EPHA5: variants seen among roughly 807,000 people sequenced by gnomAD.
EPHA5 encodes the protein EPH receptor A5, also known as ephrin type-A receptor 5.
EPHA5 carries 60 observed loss-of-function variants against 105.0 expected under a neutral mutation model. The ratio of observed to expected loss-of-function variants is 0.57; its 90% CI spans 0.46 to 0.71. The LOEUF (loss-of-function observed/expected upper bound fraction) is 0.71, where lower values mean the gene tolerates loss of function less well. Among genes scored for constraint, EPHA5 ranks in the 30% least tolerant of loss-of-function variants. The pLI is 0.00. For synonymous variants in EPHA5, 513 were observed against 449.1 expected (o/e 1.14, Z -1.80); for missense variants, 1,218 against 1,274.7 (o/e 0.96, Z 0.68).
chr4:65,460,199 A>T (rs537192795), intron 5 of EPHA5, among the ~76,000 whole-genome samples: 1 of 151,596 alleles, frequency 6.6e-6, no homozygotes, highest in East Asian at 1.9e-4. Flanking sequence ...GGAAATTTAA[A>T]TATATATAGG....
chr4:65,653,475 T>C (rs1748785476), intron 1 of EPHA5, among the ~76,000 whole-genome samples: 1 of 152,092 alleles, frequency 6.6e-6, no homozygotes, highest in Admixed American at 6.6e-5. Context: ...GCCAAATGAT[T>C]TTAGGTGGCT....
At chr4:65,479,782 T>C (rs1458386864) in intron 5 of EPHA5, among the ~76,000 whole-genome samples, 1 of 152,070 alleles carries the variant, frequency 6.6e-6, no homozygotes, top group African/African-American at 2.4e-5. Context: ...AACATGATTA[T>C]GTAGAAAAAA....
intron 3 of EPHA5, among the ~76,000 whole-genome samples, chr4:65,578,478 A>T (rs578223947): frequency 3.9e-5 from 6 of 152,152 alleles, no homozygotes; most frequent in Admixed American, 1.3e-4. Flanking sequence ...GCACACACAC[A>T]GACAAATGCT....
chr4:65,414,593 C>G lies in EPHA5; in HGVS notation c.1528-150G>C, dbSNP rs1723217831. 1.2e-5 allele frequency: 10 copies of G among 821,918 alleles called. No homozygotes were observed. In the Middle Eastern group the frequency reaches 1.0e-3, roughly 84 times the overall value. 50.9% of individuals were successfully genotyped at this position (821,918 alleles called of 1,614,324 possible). A position where few individuals can be genotyped will look rare whatever the true frequency, so the allele number is the denominator to read the frequency against. ...ATTTTAGAAAAAAATCCTACACATC[C>G]TAGGTGTGCTATTTACATAGAATAT... On this transcript the variant is annotated intron_variant, in intron 6 of 16. Coordinates refer to ENST00000613740, the MANE Select transcript of EPHA5 (RefSeq NM_001281766.3).
intron 2 of EPHA5, among the ~76,000 whole-genome samples, chr4:65,610,244 T>C (rs533542027): frequency 6.6e-6 from 1 of 152,170 alleles, no homozygotes; most frequent in South Asian, 2.1e-4. Context: ...ATGGATGCAG[T>C]TGGAGGCCAT....
chr4:65,490,380 C>T lies in EPHA5; in HGVS notation c.1399G>A (p.Ala467Thr), dbSNP rs1420039250. ...YVSVNVTTNQ[A>T]APSPVTNVKK... ...TTGGGTTGGGCATGGCACTTACCTG[C>T]TTGATTTGTGGTTACATTTACAGAC... Residue 467 changes from alanine (A) to threonine (T), a missense_variant, in exon 5 of 17, where the codon GCA becomes ACA. This residue lies in a region of EPHA5 where 971 missense variants were observed against 1,013.5 expected (regional missense o/e 0.96). Transcript: ENST00000613740. 9.3e-6 allele frequency: 15 copies of T among 1,612,990 alleles called. No homozygotes were observed. The highest frequency in any genetic ancestry group is 1.1e-5 in the Non-Finnish European group (13 of 1,179,194).
chr4:65,653,851 C>T (rs1210133519), intron 1 of EPHA5, among the ~76,000 whole-genome samples: 4 of 151,712 alleles, frequency 2.6e-5, no homozygotes, highest in African/African-American at 4.8e-5. Context: ...TTTTTCTTTC[C>T]TTAGTATCAT....
chr4:65,436,184 C>CA (rs1725465894), intron 5 of EPHA5, among the ~76,000 whole-genome samples: 1 of 151,920 alleles, frequency 6.6e-6, no homozygotes, highest in South Asian at 2.1e-4. Flanking sequence ...CATCTTTTGA[C>CA]ACAGAGTTGT....
At chr4:65,604,454 C>T (rs1744033781) in intron 2 of EPHA5, among the ~76,000 whole-genome samples, 1 of 151,918 alleles carries the variant, frequency 6.6e-6, no homozygotes, top group Non-Finnish European at 1.5e-5. Flanking sequence ...TTCAAGTACC[C>T]AAAACATAAA....
intron 5 of EPHA5, among the ~76,000 whole-genome samples, chr4:65,461,711 G>A (rs1172850589): frequency 6.6e-6 from 1 of 151,892 alleles, no homozygotes; most frequent in East Asian, 1.9e-4. Flanking sequence ...GAAGTAAAAT[G>A]ACACATTTAA....
At chr4:65,425,525 A>G (rs982403863) in intron 5 of EPHA5, among the ~76,000 whole-genome samples, 7 of 151,950 alleles carry the variant, frequency 4.6e-5, no homozygotes, top group Non-Finnish European at 8.8e-5. Flanking sequence ...TTCAGTAAAG[A>G]CTCTGGTGGA....
At chr4:65,583,147 C>T (rs970511880) in intron 3 of EPHA5, among the ~76,000 whole-genome samples, 2 of 151,106 alleles carry the variant, frequency 1.3e-5, no homozygotes, top group African/African-American at 4.9e-5. Flanking sequence ...AAATCATGGA[C>T]AAAATATATA....
At chr4:65,434,306 A>AT (rs34971023) in intron 5 of EPHA5, among the ~76,000 whole-genome samples, 13,440 of 151,758 alleles carry the variant, frequency 0.089, 1,072 homozygotes, top group African/African-American at 0.21. Context: ...GGTTGTGGAC[A>AT]TTTTTTTTAA....
At chr4:65,395,105 C>T (rs528402268) in intron 8 of EPHA5, among the ~76,000 whole-genome samples, 8 of 152,266 alleles carry the variant, frequency 5.3e-5, no homozygotes, top group African/African-American at 1.9e-4. Flanking sequence ...ACTATCAAGT[C>T]ATTGCTTTGA....
intron 3 of EPHA5, among the ~76,000 whole-genome samples, chr4:65,496,379 C>A (rs1222951294): frequency 8.1e-6 from 1 of 123,052 alleles, no homozygotes; most frequent in Admixed American, 8.9e-5. Context: ...TCCCTCCCCC[C>A]TCCCCCCACC....
chr4:65,383,128 T>C (rs774859493), intron 8 of EPHA5, among the ~76,000 whole-genome samples: 10 of 150,136 alleles, frequency 6.7e-5, no homozygotes, highest in Non-Finnish European at 1.2e-4. Context: ...ATATATCAGA[T>C]ATATGATATG....
At chr4:65,333,523 GTGTGAGAGTGTGTGTC>G (rs1009759060) in intron 15 of EPHA5, among the ~76,000 whole-genome samples, 17 of 122,022 alleles carry the variant, frequency 1.4e-4, no homozygotes, top group Middle Eastern at 3.9e-3. Context: ...GTGCGTGTGC[GTGTGAGAGTGTGTGTC>G]TGTGTGTGTG....
chr4:65,540,524 A>G (rs1736714408), intron 3 of EPHA5, among the ~76,000 whole-genome samples: 1 of 151,506 alleles, frequency 6.6e-6, no homozygotes. Context: ...CCAAAAAAGC[A>G]TAGGAGAACT....
chr4:65,429,375 A>C (rs1724762833), intron 5 of EPHA5, among the ~76,000 whole-genome samples: 2 of 151,984 alleles, frequency 1.3e-5, no homozygotes, highest in Non-Finnish European at 2.9e-5. Flanking sequence ...TCAGAAACAA[A>C]TTTTTATAGC....
Sources: allele counts gnomAD v4.1 joint callset (sites outside exome capture counted in the v4.1 genomes callset), GRCh38; gene constraint gnomAD v4.1.1; regional missense constraint gnomAD v4.1.1; transcripts MANE v1.5; gene names NCBI Gene and HGNC (gene_info 2026-07-23, HGNC 2026-07-21).